FAT3: variants seen among roughly 807,000 people sequenced by gnomAD.
FAT3 encodes the protein protocadherin Fat 3.
A neutral mutation model predicts 310.2 loss-of-function variants in FAT3; 95 were observed. The observed-to-expected ratio is 0.31, with a 90% CI of 0.26 to 0.36. FAT3 has a LOEUF of 0.36. FAT3 is among the 10% of genes least tolerant of loss of function. FAT3 has a pLI of 1.00. For synonymous variants in FAT3, 2,314 were observed against 2,192.9 expected, an observed-to-expected ratio of 1.06 and a Z score of -1.54; for missense variants, 5,408 against 5,715.6, an observed-to-expected ratio of 0.95 and a Z score of 1.74.
chr11:92,487,244 G>C (rs1448843206), intron 2 of FAT3, among the ~76,000 whole-genome samples: 1 of 152,104 alleles, frequency 6.6e-6, no homozygotes, highest in African/African-American at 2.4e-5. Context: ...GGCCATGCAG[G>C]TGATGTTTTT....
intron 1 of FAT3, among the ~76,000 whole-genome samples, chr11:92,269,654 G>C (rs945213305): frequency 6.6e-6 from 1 of 152,126 alleles, no homozygotes; most frequent in African/African-American, 2.4e-5. Flanking sequence ...TGTCTAGAGT[G>C]CCAAGCTTTC....
At chr11:92,289,301 A>G (rs1022285257) in intron 1 of FAT3, among the ~76,000 whole-genome samples, 1 of 152,150 alleles carries the variant, frequency 6.6e-6, no homozygotes. Flanking sequence ...ATTTTAGTAC[A>G]CTTATGCTCC....
At chr11:92,745,705 A>C (rs2136039010) in intron 4 of FAT3, among the ~76,000 whole-genome samples, 1 of 152,324 alleles carries the variant, frequency 6.6e-6, no homozygotes, top group Non-Finnish European at 1.5e-5. Flanking sequence ...GAATTGGTCA[A>C]GGATCTTTCT....
chr11:92,669,653 G>C (rs1419872542), intron 3 of FAT3, among the ~76,000 whole-genome samples: 1 of 152,186 alleles, frequency 6.6e-6, no homozygotes, highest in Non-Finnish European at 1.5e-5. Context: ...AAGAGGGGTT[G>C]GCCAGTATAT....
chr11:92,873,157 T>C (rs1344155326), intron 22 of FAT3, among the ~76,000 whole-genome samples: 1 of 152,208 alleles, frequency 6.6e-6, no homozygotes, highest in Non-Finnish European at 1.5e-5. Flanking sequence ...AGAAACCTTA[T>C]TGTTCCCGAT....
intron 1 of FAT3, among the ~76,000 whole-genome samples, chr11:92,321,681 G>A (rs552398583): frequency 1.6e-4 from 24 of 152,276 alleles, no homozygotes; most frequent in African/African-American, 5.8e-4. Context: ...ACGGAGCTGG[G>A]CTTGGGCAGT....
chr11:92,507,641 G>A (rs1455454308), intron 2 of FAT3, among the ~76,000 whole-genome samples: 1 of 150,434 alleles, frequency 6.6e-6, no homozygotes, highest in Non-Finnish European at 1.5e-5. Flanking sequence ...GAGGAGATGT[G>A]GAATATATAC....
chr11:92,437,652 G>A (rs1025229418), intron 2 of FAT3, among the ~76,000 whole-genome samples: 1 of 152,156 alleles, frequency 6.6e-6, no homozygotes, highest in Admixed American at 6.6e-5. Context: ...TGTCAGTGAT[G>A]GGTTAGGATA....
intron 6 of FAT3, 108 bp downstream of exon 6, chr11:92,765,197 G>A: frequency 1.0e-6 from 1 of 958,488 alleles, no homozygotes; most frequent in East Asian, 2.6e-5. Flanking sequence ...TTAGTGCCAA[G>A]ATTAAAAGAT....
chr11:92,724,037 T>C (rs986463608), intron 4 of FAT3, among the ~76,000 whole-genome samples: 3 of 152,220 alleles, frequency 2.0e-5, no homozygotes, highest in African/African-American at 7.2e-5. Flanking sequence ...TAACAAAACA[T>C]AGTGGCTTAA....
chr11:92,305,328 C>A (rs144338777), intron 1 of FAT3, among the ~76,000 whole-genome samples: 1 of 151,932 alleles, frequency 6.6e-6, no homozygotes, highest in Admixed American at 6.6e-5. Flanking sequence ...CCCTCCTTAC[C>A]GTAGAATTCT....
intron 4 of FAT3, among the ~76,000 whole-genome samples, chr11:92,716,521 T>C (rs1419282746): frequency 6.6e-6 from 1 of 152,234 alleles, no homozygotes; most frequent in Non-Finnish European, 1.5e-5. Flanking sequence ...TTTTTACTTT[T>C]ACAGAAAATT....
At chr11:92,646,417 A>G (rs1257298927) in intron 3 of FAT3, among the ~76,000 whole-genome samples, 1 of 152,220 alleles carries the variant, frequency 6.6e-6, no homozygotes, top group Non-Finnish European at 1.5e-5. Flanking sequence ...ACCATATTCT[A>G]TTGGTCAAGC....
chr11:92,816,779 C>T (rs1040636840), intron 13 of FAT3, among the ~76,000 whole-genome samples: 1 of 152,004 alleles, frequency 6.6e-6, no homozygotes, highest in Non-Finnish European at 1.5e-5. Context: ...AGTTCAAGAC[C>T]AGCCTGACCA....
chr11:92,681,539 T>C (rs184011094), intron 3 of FAT3, among the ~76,000 whole-genome samples: 1 of 152,136 alleles, frequency 6.6e-6, no homozygotes, highest in African/African-American at 2.4e-5. Context: ...GTGAATTTAG[T>C]AGAATGTATT....
chr11:92,627,702 C>A (rs1941389377), intron 3 of FAT3, among the ~76,000 whole-genome samples: 1 of 152,164 alleles, frequency 6.6e-6, no homozygotes, highest in Admixed American at 6.5e-5. Context: ...TTTAGACGTT[C>A]CTTAGCAATA....
rs1280262646 is a variant in FAT3, at chr11:92,225,092, C to A, written c.-100C>A. ...GCAGCAGCCGGGGGACCGGCTCGCC[C>A]GGAGCAAGAGCGCCGAGCACCGGGT... On this transcript the variant is annotated 5_prime_UTR_variant, in exon 1 of 28. Coordinates refer to ENST00000525166, the MANE Select transcript of FAT3 (RefSeq NM_001367949.2). Among the ~76,000 whole-genome samples, 1 of 152,112 alleles carries A rather than the reference C, an allele frequency of 6.6e-6. No individual in the cohort carries two copies. The highest frequency in any genetic ancestry group is 2.4e-5 in the African/African-American group (1 of 41,444).
intron 6 of FAT3, among the ~76,000 whole-genome samples, chr11:92,768,322 A>G (rs1304159269): frequency 6.6e-6 from 1 of 152,166 alleles, no homozygotes; most frequent in Non-Finnish European, 1.5e-5. Context: ...ACAGAACATG[A>G]TTTTATTTCC....
intron 3 of FAT3, among the ~76,000 whole-genome samples, chr11:92,617,035 T>C (rs1940844938): frequency 1.3e-5 from 2 of 152,210 alleles, no homozygotes; most frequent in Admixed American, 1.3e-4. Flanking sequence ...CCTTGCTAGG[T>C]TGGGGAAGTT....
Sources: gnomAD v4.1 joint callset for allele counts (sites outside exome capture counted in the v4.1 genomes callset) on GRCh38, gnomAD v4.1.1 for gene constraint, MANE v1.5 for transcripts, NCBI Gene and HGNC (gene_info 2026-07-23, HGNC 2026-07-21) for gene names.